TIAM1: variants seen among roughly 807,000 people sequenced by gnomAD.
The protein encoded by TIAM1 is TIAM Rac1 associated GEF 1.
Under a neutral mutation model 163.5 loss-of-function variants are expected in TIAM1, and 65 were observed. The ratio of observed to expected loss-of-function variants is 0.40; its 90% confidence interval spans 0.33 to 0.49. TIAM1 has a LOEUF of 0.49. Among genes scored for constraint, TIAM1 ranks in the 20% least tolerant of loss-of-function variants. The probability of loss-of-function intolerance (pLI) is 0.77; values close to 1 mark genes in which losing one functional copy is unlikely to be tolerated. For missense variants in TIAM1, 1,789 were observed against 2,044.7 expected (o/e 0.87, Z 2.41); for synonymous variants, 833 against 810.1 (o/e 1.03, Z -0.48).
intron 5 of TIAM1, among the ~76,000 whole-genome samples, chr21:31,246,672 T>C (rs1461005491): frequency 6.6e-6 from 1 of 152,216 alleles, no homozygotes; most frequent in Non-Finnish European, 1.5e-5. Context: ...ATGCGATTAG[T>C]AGTGTAGAAT....
chr21:31,301,623 T>C (rs921800027), intron 2 of TIAM1, among the ~76,000 whole-genome samples: 2 of 152,140 alleles, frequency 1.3e-5, no homozygotes, highest in African/African-American at 4.8e-5. Context: ...GTGGATCACC[T>C]GAGGTCAGGA....
At position 31,493,961 on chromosome 21, in the gene TIAM1, C is replaced by T. The variant is rs928047353; in HGVS notation, c.-421-29926G>A. Among the ~76,000 whole-genome samples the T allele has an allele frequency of 3.5e-4, 54 of 152,186 alleles. 1 individual carries two copies. The highest frequency in any genetic ancestry group is 1.6e-3 in the Admixed American group (24 of 15,282). On this transcript the variant is annotated intron_variant, in intron 1 of 28. Transcript: ENST00000286827. Reference sequence around the variant, plus strand: ...ACAGAGTGTCACTCTGTCACCCGGGCTGGAGTACAGTGGCGCAATCTCAGC... The same window carrying T: ...ACAGAGTGTCACTCTGTCACCCGGGTTGGAGTACAGTGGCGCAATCTCAGC...
intron 2 of TIAM1, among the ~76,000 whole-genome samples, chr21:31,367,251 G>A (rs931375806): frequency 7.2e-5 from 11 of 152,140 alleles, no homozygotes; most frequent in Non-Finnish European, 2.9e-5. Context: ...CAGTCTTTCA[G>A]TTGCAAGCCC....
intron 2 of TIAM1, among the ~76,000 whole-genome samples, chr21:31,436,984 A>G (rs1696638000): frequency 6.6e-6 from 1 of 152,104 alleles, no homozygotes; most frequent in Non-Finnish European, 1.5e-5. Context: ...ATAAAAAACG[A>G]TACAATATAA....
chr21:31,552,048 CTTTTTTTTTTTTTT>C (rs200300720), intron 1 of TIAM1, among the ~76,000 whole-genome samples: 19 of 80,144 alleles, frequency 2.4e-4, no homozygotes, highest in East Asian at 6.4e-4. Context: ...CTCTGCACTA[CTTTTTTTTTTTTTT>C]TTTTTTTTTT....
At chr21:31,536,025 G>A (rs1220883919) in intron 1 of TIAM1, among the ~76,000 whole-genome samples, 1 of 152,150 alleles carries the variant, frequency 6.6e-6, no homozygotes, top group Non-Finnish European at 1.5e-5. Context: ...TAGAGGCGAT[G>A]GTGCCTGTGT....
In TIAM1 at chr21:31,124,651, T is replaced by A. The variant is rs370773274; in HGVS notation, c.4177A>T (p.Ile1393Phe). Residue 1393 changes from isoleucine (I) to phenylalanine (F), a missense_variant, in exon 27 of 28, where the codon ATC (isoleucine) becomes TTC (phenylalanine). Transcript: ENST00000541036. ...TGTCTTCTGTGCTTATCACGCAGGA[T>A]TGAATGCACAGCCTTTAGGAAATCC... ...RKDFLKAVHSILRDKHRRQLL... is the reference protein window; with the variant it reads ...RKDFLKAVHSFLRDKHRRQLL... The A allele has an allele frequency of 1.2e-6, 2 of 1,611,700 alleles. No individual in the cohort carries two copies. The highest frequency in any genetic ancestry group is 4.5e-5 in the East Asian group (2 of 44,840).
chr21:31,531,365 G>A (rs764538050), intron 1 of TIAM1, among the ~76,000 whole-genome samples: 11 of 152,116 alleles, frequency 7.2e-5, no homozygotes, highest in African/African-American at 1.2e-4. Flanking sequence ...CACAAGGGCC[G>A]CAACCCCTGG....
intron 1 of TIAM1, among the ~76,000 whole-genome samples, chr21:31,554,505 T>C (rs563234381): frequency 6.6e-6 from 1 of 152,136 alleles, no homozygotes; most frequent in Non-Finnish European, 1.5e-5. Flanking sequence ...CCACTCCAAC[T>C]ACACCCAAGT....
intron 10 of TIAM1, among the ~76,000 whole-genome samples, chr21:31,210,588 A>AAGAAAGAG (rs1164187458): frequency 1.8e-4 from 20 of 114,224 alleles, no homozygotes; most frequent in African/African-American, 9.4e-4. Flanking sequence ...GAAAGAAAGA[A>AAGAAAGAG]AGAAAGAGAG....
chr21:31,476,829 C>T (rs979903417), intron 1 of TIAM1, among the ~76,000 whole-genome samples: 1 of 152,120 alleles, frequency 6.6e-6, no homozygotes, highest in South Asian at 2.1e-4. Flanking sequence ...GAAATGTTGC[C>T]GGCTGCTATG....
intron 12 of TIAM1, among the ~76,000 whole-genome samples, chr21:31,200,656 C>T (rs1438976134): frequency 1.3e-5 from 2 of 152,248 alleles, no homozygotes. Context: ...TAAATAAGAA[C>T]ATATATTACC....
At chr21:31,375,012 T>C (rs2076659768) in intron 2 of TIAM1, among the ~76,000 whole-genome samples, 2 of 152,216 alleles carry the variant, frequency 1.3e-5, no homozygotes, top group Non-Finnish European at 2.9e-5. Context: ...AAATTTCTGG[T>C]CTTTACATTA....
intron 11 of TIAM1, among the ~76,000 whole-genome samples, chr21:31,209,655 A>C (rs948887539): frequency 1.3e-5 from 2 of 152,254 alleles, no homozygotes; most frequent in African/African-American, 4.8e-5. Context: ...ATGTGTGCGG[A>C]AAAAGGAATG....
intron 1 of TIAM1, among the ~76,000 whole-genome samples, chr21:31,534,111 C>T (rs775960953): frequency 1.3e-5 from 2 of 152,210 alleles, no homozygotes; most frequent in African/African-American, 2.4e-5. Context: ...TCACCCACTC[C>T]ATATAATGGA....
At chr21:31,451,468 A>G (rs2147325935) in intron 2 of TIAM1, among the ~76,000 whole-genome samples, 1 of 152,310 alleles carries the variant, frequency 6.6e-6, no homozygotes, top group Non-Finnish European at 1.5e-5. Context: ...TCCAATTTCA[A>G]TGACCTTGAT....
rs1189665444 is a variant in TIAM1, at chr21:31,195,447, TTAAAAGTAAAAAG to T, written c.2494-155_2494-143del. 3 of 634,002 alleles carry T rather than the reference TTAAAAGTAAAAAG, an allele frequency of 4.7e-6. No individual in the cohort carries two copies. The African/African-American group carries it at 5.5e-5, about 12-fold the overall frequency. The allele number at this position is 634,002 out of a possible 1,614,324, so 39.3% of individuals were successfully genotyped here. ...CAATCTTATCATTAAACGAAACTCA[TTAAAAGTAAAAAG>T]TAAAAGTAAAAACTTCCAGCTGTCG... On this transcript the variant is annotated intron_variant, in intron 12 of 27. Transcript: ENST00000541036.
intron 26 of TIAM1, among the ~76,000 whole-genome samples, chr21:31,125,442 AAAC>A (rs1156977494): frequency 2.0e-5 from 3 of 152,186 alleles, no homozygotes; most frequent in Admixed American, 1.3e-4. Flanking sequence ...GAGGTTATAC[AAAC>A]AACATTTCAC....
chr21:31,120,805 T>C lies in TIAM1; in HGVS notation c.4339A>G (p.Arg1447Gly). ...AACCTGTTTCGAGCCAGCCGCCGCC[T>C]CCTCCTCCCAAGAGACTTGCTTGGG... is the stretch of plus-strand genomic sequence containing the variant. ...SAPSKSLGRR[R>G]RRLARNRFTI... The change falls in exon 28 of 28, where the codon AGG becomes GGG. Residue 1447 changes from arginine to glycine, a missense_variant. Arg to Gly is a moderately radical substitution (Grantham distance 125). Transcript: ENST00000541036. This position sits in a 1 kb window ranked among gnomAD's most constrained non-coding sequence, Gnocchi z 4.2. 6.2e-7 allele frequency: 1 copy of C among 1,613,266 alleles called. No homozygotes were observed. The highest frequency in any genetic ancestry group is 1.7e-5 in the Admixed American group (1 of 59,976).
Sources: gnomAD v4.1 joint callset for allele counts (sites outside exome capture counted in the v4.1 genomes callset) on GRCh38, gnomAD v4.1.1 for gene constraint, Gnocchi (gnomAD v3.1) non-coding constraint, MANE v1.5 for transcripts, NCBI Gene and HGNC (gene_info 2026-07-23, HGNC 2026-07-21) for gene names.